OR1F1: variants seen among roughly 807,000 people sequenced by gnomAD.
OR1F1 encodes olfactory receptor 1F1.
For synonymous variants in OR1F1, 184 were observed against 156.7 expected, an observed-to-expected ratio of 1.17 and a Z score of -1.30; for missense variants, 493 against 376.3, an observed-to-expected ratio of 1.31 and a Z score of -2.57.
upstream of OR1F1, among the ~76,000 whole-genome samples, chr16:3,199,441 A>G (rs1017245190): frequency 1.3e-5 from 2 of 151,948 alleles, no homozygotes; most frequent in Admixed American, 6.5e-5. Flanking sequence ...CCAGGAGTTC[A>G]AGACCAGTCG....
chr16:3,199,893 G>A (rs1222734779), upstream of OR1F1, among the ~76,000 whole-genome samples: 1 of 151,452 alleles, frequency 6.6e-6, no homozygotes, highest in Non-Finnish European at 1.5e-5. Context: ...TGCATGCCTG[G>A]CAATCCCAGC....
At chr16:3,206,073 T>C (rs937786414), downstream of OR1F1, among the ~76,000 whole-genome samples, 1 of 152,200 alleles carries the variant, frequency 6.6e-6, no homozygotes, top group African/African-American at 2.4e-5. Context: ...GGAATGTTAA[T>C]AATTAAGACC....
chr16:3,204,888 C>G, exon 1 of OR1F1: 1 of 1,614,162 alleles, frequency 6.2e-7, no homozygotes, highest in South Asian at 1.1e-5. Context: ...TTCTTTGCAT[C>G]CTGGCTTCTT....
At chr16:3,192,275 C>G in the OR1F1 span, among the ~76,000 whole-genome samples, 1 of 150,272 alleles carries the variant, frequency 6.7e-6, no homozygotes. Context: ...CCAGGATGGT[C>G]TTGATCTGAC....
chr16:3,193,633 C>T, the OR1F1 span, among the ~76,000 whole-genome samples: 3 of 151,372 alleles, frequency 2.0e-5, no homozygotes, highest in Non-Finnish European at 4.4e-5. Context: ...ATCTCACTCC[C>T]GTCGCCCAGG....
chr16:3,189,098 G>A, the OR1F1 span, among the ~76,000 whole-genome samples: 3 of 152,198 alleles, frequency 2.0e-5, no homozygotes, highest in African/African-American at 7.2e-5. Context: ...TCGCTTTCTG[G>A]GTTTTGGCTT....
the OR1F1 span, among the ~76,000 whole-genome samples, chr16:3,193,495 G>T: frequency 6.6e-6 from 1 of 152,234 alleles, no homozygotes; most frequent in Non-Finnish European, 1.5e-5. Context: ...CCGGTGGCGC[G>T]AGGACGCAGA....
At chr16:3,204,418 C>T (rs61731432) in exon 1 of OR1F1, 76 of 1,614,136 alleles carry the variant, frequency 4.7e-5, no homozygotes, top group South Asian at 3.3e-4. Flanking sequence ...CCTGCACACC[C>T]CCATGTACTT....
chr16:3,205,173 G>A lies in OR1F1; in HGVS notation c.927G>A (p.Val309=), dbSNP rs1328763513. ...TGAAAAAAGTAGTTGGCAGGGTGGTGTTTTCTGTCTGATGAAATAATCAAG... is the reference window on the plus strand; with the variant it reads ...TGAAAAAAGTAGTTGGCAGGGTGGTATTTTCTGTCTGATGAAATAATCAAG... Residue 309 remains valine, a synonymous_variant, in exon 1 of 1, where the codon GTG becomes GTA. Coordinates refer to ENST00000304646, the Ensembl canonical transcript of OR1F1. 4.4e-6 allele frequency: 7 copies of A among 1,605,982 alleles called. No individual in the cohort carries two copies. In the Admixed American group the frequency reaches 1.2e-4, roughly 27 times the overall value.
upstream of OR1F1, chr16:3,204,172 C>T (rs1958170742): frequency 3.6e-6 from 4 of 1,109,888 alleles, no homozygotes; most frequent in Middle Eastern, 4.1e-4. Flanking sequence ...TTCCTGTGCC[C>T]CATCTTAACC....
chr16:3,191,389 G>T, the OR1F1 span: 1 of 152,276 alleles, frequency 6.6e-6, no homozygotes, highest in East Asian at 1.9e-4. Context: ...TGAACCTGTT[G>T]TAGGGGACCC....
At chr16:3,195,174 C>T in the OR1F1 span, among the ~76,000 whole-genome samples, 1 of 152,142 alleles carries the variant, frequency 6.6e-6, no homozygotes, top group Non-Finnish European at 1.5e-5. Context: ...GCGCCTCCGG[C>T]GCTCTCCCCC....
chr16:3,199,799 T>C (rs1958115666), upstream of OR1F1, among the ~76,000 whole-genome samples: 1 of 152,054 alleles, frequency 6.6e-6, no homozygotes, highest in South Asian at 2.1e-4. Flanking sequence ...GCGGATCGCC[T>C]GAGGTCAGGA....
At chr16:3,204,491 T>G (rs1958177275) in exon 1 of OR1F1, 1 of 1,614,094 alleles carries the variant, frequency 6.2e-7, no homozygotes, top group African/African-American at 1.3e-5. Context: ...CCCAAGATGC[T>G]GGCCAATCAC....
At chr16:3,198,919 G>A in the OR1F1 span, among the ~76,000 whole-genome samples, 4,913 of 150,324 alleles carry the variant, frequency 0.033, 265 homozygotes, top group African/African-American at 0.11. Flanking sequence ...TTCACTCCTC[G>A]GCACTCCAGC....
At chr16:3,203,513 C>T (rs1047226399), upstream of OR1F1, among the ~76,000 whole-genome samples, 1 of 152,226 alleles carries the variant, frequency 6.6e-6, no homozygotes, top group South Asian at 2.1e-4. Context: ...CGCCTGTAAT[C>T]CCAGCACCTT....
At chr16:3,199,952 G>A (rs149286414), upstream of OR1F1, among the ~76,000 whole-genome samples, 6 of 151,586 alleles carry the variant, frequency 4.0e-5, no homozygotes, top group Admixed American at 1.3e-4. Context: ...GGAGGCGGAG[G>A]TTGTGGTGAA....
At chr16:3,196,378 T>C in the OR1F1 span, among the ~76,000 whole-genome samples, 2 of 151,986 alleles carry the variant, frequency 1.3e-5, no homozygotes, top group African/African-American at 4.8e-5. Context: ...AGTTTTAAAG[T>C]AAAAATATTA....
At chr16:3,200,718 G>C (rs1567205616), upstream of OR1F1, among the ~76,000 whole-genome samples, 1 of 152,182 alleles carries the variant, frequency 6.6e-6, no homozygotes, top group African/African-American at 2.4e-5. Flanking sequence ...ACTGAAGATA[G>C]CTTTGCTTTA....
Sources: gnomAD v4.1 joint callset for allele counts (sites outside exome capture counted in the v4.1 genomes callset) on GRCh38, gnomAD v4.1.1 for gene constraint, MANE v1.5 for transcripts, NCBI Gene and HGNC (gene_info 2026-07-23, HGNC 2026-07-21) for gene names.